RALGAPB: variants seen among roughly 807,000 people sequenced by gnomAD.
The protein encoded by RALGAPB is ral GTPase-activating protein subunit beta.
In RALGAPB, 25 loss-of-function variants were observed where a neutral mutation model predicts 161.1. The ratio of observed to expected loss-of-function variants is 0.16; its 90% CI spans 0.11 to 0.22. The LOEUF is 0.22. RALGAPB is among the 10% of genes least tolerant of loss of function. The pLI is 1.00. For missense variants in RALGAPB, 1,391 were observed against 1,815.2 expected (o/e 0.77, Z 4.25); for synonymous variants, 629 against 626.1 (o/e 1.00, Z -0.07).
At chr20:38,481,652 G>A (rs1437063159) in intron 1 of RALGAPB, among the ~76,000 whole-genome samples, 3 of 152,170 alleles carry the variant, frequency 2.0e-5, no homozygotes, top group Admixed American at 2.0e-4. Flanking sequence ...TTTGAGTGGG[G>A]ACACAGAGCC....
intron 16 of RALGAPB, among the ~76,000 whole-genome samples, chr20:38,537,164 G>A (rs920279464): frequency 7.2e-5 from 11 of 152,146 alleles, no homozygotes; most frequent in Admixed American, 2.6e-4. Flanking sequence ...CAAATTGATC[G>A]GTGGAAGAAA....
At chr20:38,473,501 C>A (rs558739237) in intron 1 of RALGAPB, among the ~76,000 whole-genome samples, 3 of 152,256 alleles carry the variant, frequency 2.0e-5, no homozygotes, top group African/African-American at 7.2e-5. Context: ...AACAGCTAAC[C>A]CCCATTAAGC....
At chr20:38,477,128 T>G (rs1231803376) in intron 1 of RALGAPB, among the ~76,000 whole-genome samples, 1 of 152,236 alleles carries the variant, frequency 6.6e-6, no homozygotes, top group African/African-American at 2.4e-5. Flanking sequence ...AAATCTTACT[T>G]GCTCTAATAT....
At chr20:38,534,332 T>G (rs2086742601) in intron 15 of RALGAPB, 1 of 152,608 alleles carries the variant, frequency 6.6e-6, no homozygotes, top group East Asian at 1.9e-4. Context: ...CGCATGAGTG[T>G]CTCTCTTTAA....
chr20:38,555,374 A>T (rs1458247994), intron 22 of RALGAPB, among the ~76,000 whole-genome samples: 1 of 152,004 alleles, frequency 6.6e-6, no homozygotes, highest in Non-Finnish European at 1.5e-5. Context: ...TAGCGGGAAA[A>T]TTTTTTTTGT....
chr20:38,499,115 G>A (rs1352054888), intron 4 of RALGAPB, among the ~76,000 whole-genome samples: 1 of 152,180 alleles, frequency 6.6e-6, no homozygotes, highest in Non-Finnish European at 1.5e-5. Context: ...CATAGAAACT[G>A]ACTCATAGTA....
At chr20:38,553,558 G>T (rs2087456933) in intron 21 of RALGAPB, among the ~76,000 whole-genome samples, 1 of 151,986 alleles carries the variant, frequency 6.6e-6, no homozygotes, top group Non-Finnish European at 1.5e-5. Context: ...TTTGCTTAAT[G>T]GCATACTCTA....
intron 24 of RALGAPB, among the ~76,000 whole-genome samples, chr20:38,563,672 TATATC>T (rs1254561203): frequency 6.6e-6 from 1 of 152,202 alleles, no homozygotes; most frequent in Non-Finnish European, 1.5e-5. Flanking sequence ...TTTTGATAAA[TATATC>T]AGTTGGATAC....
chr20:38,517,987 C>CA lies in RALGAPB; in HGVS notation c.1405dup (p.Ser469LysfsTer11). On this transcript the variant is annotated frameshift_variant, in exon 9 of 30. Transcript: ENST00000262879. LOFTEE classifies it high-confidence loss of function. ...AACTTCATAATGGGATAAACAGAGACAGCAGCATGACTGGTAAATATTACT... is the reference window on the plus strand; with the variant it reads ...AACTTCATAATGGGATAAACAGAGACAAGCAGCATGACTGGTAAATATTACT... The CA allele has an allele frequency of 6.2e-7, 1 of 1,605,476 alleles. No homozygotes were observed. The highest frequency in any genetic ancestry group is 8.5e-7 in the Non-Finnish European group (1 of 1,172,102).
chr20:38,566,468 A>G (rs1163666973), intron 25 of RALGAPB, among the ~76,000 whole-genome samples: 1 of 152,154 alleles, frequency 6.6e-6, no homozygotes, highest in Non-Finnish European at 1.5e-5. Flanking sequence ...TCCTTATTCT[A>G]TAGCTCCTGC....
intron 3 of RALGAPB, among the ~76,000 whole-genome samples, chr20:38,494,830 C>T (rs1019514962): frequency 3.3e-5 from 5 of 152,094 alleles, no homozygotes; most frequent in Admixed American, 3.3e-4. Context: ...TCTTTGTAAG[C>T]CTACTACCTT....
At chr20:38,488,735 G>T in intron 2 of RALGAPB, 117 bp downstream of exon 2, 1 of 987,660 alleles carries the variant, frequency 1.0e-6, no homozygotes, top group Non-Finnish European at 1.5e-6. Context: ...GTAGAATAAC[G>T]TCAACTTTTT....
intron 13 of RALGAPB, among the ~76,000 whole-genome samples, chr20:38,530,793 C>T (rs1326048102): frequency 6.6e-6 from 1 of 151,688 alleles, no homozygotes; most frequent in Non-Finnish European, 1.5e-5. Context: ...GATGGGGTTT[C>T]ACCATGTTGA....
At position 38,521,685 on chromosome 20, in the gene RALGAPB, G is replaced by C; in HGVS notation, c.1606G>C (p.Ala536Pro). ...SKKTGEEILP[A>P]YLSRFYMLLI... ...GAAGACTGGAGAAGAGATTCTGCCA[G>C]CTTATTTATCCAGGTCTTGGAATTT... The change falls in exon 10 of 30, where the codon GCT (alanine) becomes CCT (proline). Residue 536 changes from alanine (A) to proline (P), a missense_variant. By Grantham distance (27) the Ala-to-Pro change is conservative. This residue lies in a region of RALGAPB where 946 missense variants were observed against 1,257.2 expected (regional missense o/e 0.75). Coordinates refer to ENST00000262879, the MANE Select transcript of RALGAPB (RefSeq NM_020336.4). The C allele has an allele frequency of 6.2e-7, 1 of 1,613,866 alleles. No individual in the cohort carries two copies. The highest frequency in any genetic ancestry group is 8.5e-7 in the Non-Finnish European group (1 of 1,179,946).
At position 38,488,548 on chromosome 20, in the gene RALGAPB, G is replaced by A. The variant is rs141856529; in HGVS notation, c.116G>A (p.Arg39His). Residue 39 changes from arginine (R) to histidine (H), a missense_variant, in exon 2 of 30, where the codon CGT (arginine) becomes CAT (histidine). Transcript: ENST00000262879. ...VGREVANAVV[R>H]PLGQVLGTPS... ...CGAGAGGTGGCAAATGCTGTAGTCC[G>A]TCCTCTTGGGCAGGTGTTAGGTACC... 2.7e-4 allele frequency: 432 copies of A among 1,614,058 alleles called. No individual in the cohort carries two copies. The highest frequency in any genetic ancestry group is 3.5e-4 in the Non-Finnish European group (410 of 1,180,010).
intron 22 of RALGAPB, among the ~76,000 whole-genome samples, chr20:38,554,391 A>G (rs1026205636): frequency 2.0e-5 from 3 of 152,236 alleles, no homozygotes; most frequent in African/African-American, 7.2e-5. Flanking sequence ...AATTAGAAGA[A>G]GAATGTTAAA....
chr20:38,525,482 G>T lies in RALGAPB; in HGVS notation c.1866G>T (p.Leu622Phe), dbSNP rs1223266928. 1 of 1,609,248 alleles carries T rather than the reference G, an allele frequency of 6.2e-7. No homozygotes were observed. Among genetic ancestry groups the T allele is most frequent in the Non-Finnish European group, 8.5e-7 (1 of 1,177,904 alleles). Residue 622 changes from leucine (L) to phenylalanine (F), a missense_variant, in exon 12 of 30, where the codon TTG (leucine) becomes TTT (phenylalanine). Physicochemically the swap from Leu to Phe is conservative, Grantham distance 22 (BLOSUM62 0). Around this residue, in one of 3 missense-constraint regions of RALGAPB, gnomAD observed 946 missense variants for 1,257.2 expected, o/e 0.75. Coordinates refer to ENST00000262879, the MANE Select transcript of RALGAPB (RefSeq NM_020336.4). ...CCATTAATATCCTGCTTTCTTTGTT[G>T]CCCCTCCCTCATCATTTTGGCACAG... is the stretch of plus-strand genomic sequence containing the variant. ...RSSINILLSL[L>F]PLPHHFGTVK...
chr20:38,521,398 G>A (rs1170311006), intron 9 of RALGAPB, 99 bp from the exon 10 acceptor site: 2 of 1,527,030 alleles, frequency 1.3e-6, no homozygotes, highest in Non-Finnish European at 1.8e-6. Context: ...GATTCAAGTA[G>A]CTATTTAATG....
chr20:38,533,854 A>G (rs2086725556), intron 15 of RALGAPB, among the ~76,000 whole-genome samples: 1 of 152,094 alleles, frequency 6.6e-6, no homozygotes, highest in African/African-American at 2.4e-5. Flanking sequence ...ATTTTTCAGT[A>G]CTGGCTGGGC....
Sources: gnomAD v4.1 joint callset for allele counts (sites outside exome capture counted in the v4.1 genomes callset) on GRCh38, gnomAD v4.1.1 for gene constraint, gnomAD v4.1.1 regional missense constraint, MANE v1.5 for transcripts, NCBI Gene and HGNC (gene_info 2026-07-23, HGNC 2026-07-21) for gene names.